MDGA2: variants seen among roughly 807,000 people sequenced by gnomAD.
MDGA2 encodes MAM domain-containing glycosylphosphatidylinositol anchor protein 2.
MDGA2 carries 40 observed loss-of-function variants against 117.8 expected under a neutral mutation model. The ratio of observed to expected loss-of-function variants is 0.34; its 90% confidence interval spans 0.26 to 0.44. MDGA2 has a LOEUF of 0.44. MDGA2 is among the 20% of genes least tolerant of loss of function. The pLI is 1.00. For synonymous variants in MDGA2, 452 were observed against 439.0 expected, an observed-to-expected ratio of 1.03 and a Z score of -0.37; for missense variants, 1,123 against 1,250.6, an observed-to-expected ratio of 0.90 and a Z score of 1.54.
chr14:46,979,934 A>G (rs374308705), intron 8 of MDGA2, among the ~76,000 whole-genome samples: 1 of 152,210 alleles, frequency 6.6e-6, no homozygotes, highest in African/African-American at 2.4e-5. Context: ...ACAGCCTTCT[A>G]TTGGAAGAAG....
intron 1 of MDGA2, among the ~76,000 whole-genome samples, chr14:47,438,101 A>G (rs1033512511): frequency 3.9e-5 from 6 of 152,166 alleles, no homozygotes; most frequent in African/African-American, 1.4e-4. Flanking sequence ...ACATTAGGGT[A>G]TGATTCAGAA....
intron 1 of MDGA2, among the ~76,000 whole-genome samples, chr14:47,456,037 A>T (rs1032641565): frequency 2.0e-5 from 3 of 151,872 alleles, no homozygotes; most frequent in African/African-American, 7.2e-5. Context: ...ATAAAAATTA[A>T]AATAAAGAAA....
At chr14:47,329,267 C>A (rs1320754172) in intron 1 of MDGA2, among the ~76,000 whole-genome samples, 1 of 151,646 alleles carries the variant, frequency 6.6e-6, no homozygotes, top group Non-Finnish European at 1.5e-5. Context: ...TATCTAAAGA[C>A]AAACAATGTA....
intron 1 of MDGA2, among the ~76,000 whole-genome samples, chr14:47,312,677 G>GTTTTT (rs202227321): frequency 4.1e-4 from 52 of 126,752 alleles, no homozygotes; most frequent in African/African-American, 1.4e-3. Context: ...CTAGTTTTTA[G>GTTTTT]TTTTTTTTTT....
At chr14:47,530,587 C>T (rs748702133) in intron 1 of MDGA2, among the ~76,000 whole-genome samples, 2 of 152,140 alleles carry the variant, frequency 1.3e-5, no homozygotes, top group Non-Finnish European at 2.9e-5. Context: ...TTACCCCCAT[C>T]CTCACTAAAC....
chr14:46,864,891 C>A (rs1566497305), intron 14 of MDGA2, among the ~76,000 whole-genome samples: 1 of 151,954 alleles, frequency 6.6e-6, no homozygotes, highest in Admixed American at 6.6e-5. Context: ...GAGAATTTAT[C>A]AGAATGCAAG....
chr14:47,130,765 G>T (rs549948457), intron 5 of MDGA2, among the ~76,000 whole-genome samples: 2 of 152,040 alleles, frequency 1.3e-5, no homozygotes, highest in African/African-American at 4.8e-5. Flanking sequence ...GCTCAACAAG[G>T]TGCAAAAGCT....
At chr14:47,386,674 T>C (rs1252266672) in intron 1 of MDGA2, among the ~76,000 whole-genome samples, 1 of 152,186 alleles carries the variant, frequency 6.6e-6, no homozygotes, top group East Asian at 1.9e-4. Context: ...AGCTAGCCTC[T>C]GGCAATTTGT....
intron 1 of MDGA2, among the ~76,000 whole-genome samples, chr14:47,454,367 T>C (rs1162505297): frequency 1.3e-5 from 2 of 152,212 alleles, no homozygotes; most frequent in Non-Finnish European, 2.9e-5. Flanking sequence ...TCATAAATAA[T>C]GATGTTTTAC....
intron 1 of MDGA2, among the ~76,000 whole-genome samples, chr14:47,582,230 G>C (rs1014893386): frequency 6.6e-6 from 1 of 151,858 alleles, no homozygotes; most frequent in Non-Finnish European, 1.5e-5. Flanking sequence ...AGACATAAAA[G>C]AGGGAGGAAG....
chr14:46,951,577 G>A (rs1035593926), intron 9 of MDGA2, among the ~76,000 whole-genome samples: 12 of 151,960 alleles, frequency 7.9e-5, no homozygotes, highest in African/African-American at 2.4e-4. Context: ...ACTATTGCAG[G>A]TAGCTTCTAG....
At chr14:46,973,076 G>A (rs551713588) in intron 8 of MDGA2, among the ~76,000 whole-genome samples, 10 of 152,094 alleles carry the variant, frequency 6.6e-5, no homozygotes, top group African/African-American at 9.6e-5. Context: ...ACCATGATAC[G>A]GCTACTAGAA....
chr14:47,627,761 C>T (rs544691779), intron 1 of MDGA2, among the ~76,000 whole-genome samples: 11 of 152,142 alleles, frequency 7.2e-5, no homozygotes, highest in Non-Finnish European at 1.3e-4. Flanking sequence ...AAGCTTTGTT[C>T]TTTTGTTCTT....
At chr14:47,649,128 T>C (rs755812144) in intron 1 of MDGA2, among the ~76,000 whole-genome samples, 1 of 152,190 alleles carries the variant, frequency 6.6e-6, no homozygotes, top group Non-Finnish European at 1.5e-5. Flanking sequence ...TCCATAGTCA[T>C]AGTGATTAAG....
intron 1 of MDGA2, among the ~76,000 whole-genome samples, chr14:47,562,633 T>C (rs1895838596): frequency 1.3e-5 from 2 of 152,196 alleles, no homozygotes; most frequent in Admixed American, 1.3e-4. Context: ...TTTTCCTTTA[T>C]TGGTCTAGCT....
chr14:47,674,769 G>T lies in MDGA2; in HGVS notation c.28C>A (p.Arg10Ser), dbSNP rs1310986976. 1 of 695,980 alleles carries T rather than the reference G, an allele frequency of 1.4e-6. No individual in the cohort carries two copies. The highest frequency in any genetic ancestry group is 2.6e-6 in the Non-Finnish European group (1 of 383,956). The allele number at this position is 695,980 out of a possible 1,614,324, so 43.1% of individuals were successfully genotyped here. ...CCCCGGCGGCGGCGGCGAGCGGAGC[G>T]CAGGAGCCCCGCACTCCACACACTC... Reference protein sequence around the residue: MSVWSAGLLRSARRRRRGRT... With the variant: MSVWSAGLLSSARRRRRGRT... The change falls in exon 1 of 17, where the codon CGC becomes AGC. Residue 10 changes from arginine to serine, a missense_variant. Physicochemically the swap from Arg to Ser is moderately radical, Grantham distance 110. This residue lies in a region of MDGA2 where 233 missense variants were observed against 200.3 expected (regional missense o/e 1.16). Coordinates refer to ENST00000399232, the MANE Select transcript of MDGA2 (RefSeq NM_001113498.3).
intron 2 of MDGA2, among the ~76,000 whole-genome samples, chr14:47,246,926 A>T (rs986805845): frequency 1.3e-5 from 2 of 151,588 alleles, no homozygotes; most frequent in Non-Finnish European, 3.0e-5. Context: ...GAATAGGAAG[A>T]TTCCCCATAA....
chr14:47,330,873 A>G lies in MDGA2; in HGVS notation c.281-29323T>C, dbSNP rs565291647. 2.6e-5 allele frequency among the ~76,000 whole-genome samples: 4 copies of G among 152,016 alleles called. No individual in the cohort carries two copies. In the South Asian group the frequency reaches 8.3e-4, roughly 32 times the overall value. On this transcript the variant is annotated intron_variant, in intron 1 of 16. Transcript: ENST00000399232. ...ATAATATTTTTCAGATCCTTTGTCT[A>G]TCTAAATTTGTGTGTTTCAATAAAG...
chr14:47,524,220 C>T (rs1402346354), intron 1 of MDGA2, among the ~76,000 whole-genome samples: 1 of 151,624 alleles, frequency 6.6e-6, no homozygotes, highest in African/African-American at 2.4e-5. Flanking sequence ...GAGTGTTAAA[C>T]CTATTAGACT....
Sources: allele counts gnomAD v4.1 joint callset (sites outside exome capture counted in the v4.1 genomes callset), GRCh38; gene constraint gnomAD v4.1.1; regional missense constraint gnomAD v4.1.1; transcripts MANE v1.5; gene names NCBI Gene and HGNC (gene_info 2026-07-23, HGNC 2026-07-21).